The following PSPH variants were observed in gnomAD, a reference collection of about 807,000 sequenced individuals.
PSPH encodes phosphoserine phosphatase, also known as L-3-phosphoserine phosphatase.
Under a neutral mutation model 23.4 loss-of-function variants are expected in PSPH, and 16 were observed. The ratio of observed to expected loss-of-function variants is 0.68; its 90% CI spans 0.46 to 1.04. PSPH has a LOEUF of 1.04. Ranked by LOEUF, PSPH falls within the 50% of genes least tolerant of loss-of-function variation. The pLI is 0.00. For missense variants in PSPH, 223 were observed against 273.7 expected, an observed-to-expected ratio of 0.81 and a Z score of 1.31; for synonymous variants, 68 against 99.7, an observed-to-expected ratio of 0.68 and a Z score of 1.89.
intron 1 of PSPH, among the ~76,000 whole-genome samples, chr7:56,042,060 T>G (rs1218059582): frequency 1.3e-5 from 2 of 151,542 alleles, no homozygotes; most frequent in African/African-American, 2.4e-5. Context: ...TCGTCTCTAC[T>G]AAAACTACAA....
intron 1 of PSPH, among the ~76,000 whole-genome samples, chr7:56,040,396 T>C (rs1415783125): frequency 6.6e-6 from 1 of 152,036 alleles, no homozygotes; most frequent in African/African-American, 2.4e-5. Flanking sequence ...TACTTATTTA[T>C]TTTTATTTTT....
intron 3 of PSPH, among the ~76,000 whole-genome samples, chr7:56,027,801 C>T (rs777101278): frequency 3.3e-5 from 5 of 150,726 alleles, no homozygotes; most frequent in Non-Finnish European, 7.4e-5. Context: ...GTAATAATCC[C>T]AGCACTTTGG....
chr7:56,029,133 T>C (rs1347869330), intron 3 of PSPH, among the ~76,000 whole-genome samples: 1 of 152,014 alleles, frequency 6.6e-6, no homozygotes, highest in African/African-American at 2.4e-5. Context: ...CCTCTTTTCA[T>C]TGTCTCCACC....
chr7:56,011,826 AC>A lies in PSPH; in HGVS notation c.613del (p.Val205SerfsTer13). The A allele has an allele frequency of 1.2e-6, 2 of 1,613,398 alleles. No homozygotes were observed. Among genetic ancestry groups the A allele is most frequent in the Non-Finnish European group, 1.7e-6 (2 of 1,179,436 alleles). On this transcript the variant is annotated frameshift_variant, in exon 8 of 8. Coordinates refer to ENST00000275605, the MANE Select transcript of PSPH (RefSeq NM_004577.4). LOFTEE classifies it high-confidence loss of function. The stretch of plus-strand genomic sequence containing the variant: ...GATATACCATTTGGCGTTATCCTTG[AC>A]TTGTTGCCTGATCACATTTCCTCCA... ...GFGGNVIRQQVKDNAKWYITD... is the reference protein window; with the variant it reads ...GFGGNVIRQQXKDNAKWYITD...
intron 1 of PSPH, among the ~76,000 whole-genome samples, chr7:56,038,350 T>C (rs1213773046): frequency 6.7e-6 from 1 of 150,108 alleles, no homozygotes; most frequent in African/African-American, 2.4e-5. Context: ...TCCCAGCTAC[T>C]TGGGAGGCTG....
At chr7:56,039,491 T>C (rs966280500) in intron 1 of PSPH, among the ~76,000 whole-genome samples, 6 of 151,950 alleles carry the variant, frequency 3.9e-5, no homozygotes, top group South Asian at 4.1e-4. Flanking sequence ...TACCAATACA[T>C]TGCTGGCCGG....
chr7:56,029,862 C>T (rs150418719), intron 3 of PSPH, among the ~76,000 whole-genome samples: 8 of 151,368 alleles, frequency 5.3e-5, no homozygotes, highest in East Asian at 2.0e-4. Context: ...AAAGTATAGC[C>T]GGGCGTGGGG....
intron 1 of PSPH, among the ~76,000 whole-genome samples, chr7:56,046,029 T>C (rs543213303): frequency 6.6e-6 from 1 of 152,214 alleles, no homozygotes; most frequent in Admixed American, 6.6e-5. Context: ...GGTAACACAA[T>C]GTGGCCCAGA....
intron 3 of PSPH, among the ~76,000 whole-genome samples, chr7:56,027,105 T>C (rs1385607631): frequency 3.3e-5 from 5 of 150,598 alleles, no homozygotes; most frequent in Middle Eastern, 3.2e-3. Flanking sequence ...CTCAGGAGGC[T>C]GAGGCAAGAG....
intron 1 of PSPH, among the ~76,000 whole-genome samples, chr7:56,042,771 C>T (rs1444986160): frequency 2.6e-5 from 4 of 151,914 alleles, no homozygotes; most frequent in Admixed American, 6.6e-5. Context: ...ATCACTTGAG[C>T]CTAGGCGTTC....
intron 4 of PSPH, among the ~76,000 whole-genome samples, 188 bp downstream of exon 4, chr7:56,020,885 A>T (rs183507275): frequency 6.6e-6 from 1 of 152,250 alleles, no homozygotes. Context: ...AGCTAAGAAC[A>T]TGTCTTATCC....
intron 3 of PSPH, among the ~76,000 whole-genome samples, chr7:56,021,949 C>CAAA (rs753210160): frequency 2.0e-3 from 84 of 41,598 alleles, no homozygotes; most frequent in East Asian, 5.3e-3. Flanking sequence ...GACTCCGTCT[C>CAAA]AAAAAAAAAA....
rs188438444 is a variant in PSPH, at chr7:56,032,889, A to G, written c.-145-835T>C. 2.9e-4 allele frequency among the ~76,000 whole-genome samples: 44 copies of G among 151,666 alleles called. 1 individual carries two copies. In the East Asian group the frequency reaches 7.8e-3, roughly 27 times the overall value. ...TTGGGCTCAGGAGTTTGAGATTCCA[A>G]TGAGCTATGATTGCACCGCTGCACT... On this transcript the variant is annotated intron_variant, in intron 2 of 7. Transcript: ENST00000275605.
chr7:56,032,305 CAGGGTACAAAGACAAGGGAG>C (rs1791099792), intron 2 of PSPH, among the ~76,000 whole-genome samples: 1 of 152,062 alleles, frequency 6.6e-6, no homozygotes, highest in East Asian at 1.9e-4. Flanking sequence ...ACCTGATTAG[CAGGGTACAAAGACAAGGGAG>C]AGGGAAAGAG....
At chr7:56,038,724 G>A (rs1792068904) in intron 1 of PSPH, among the ~76,000 whole-genome samples, 1 of 151,312 alleles carries the variant, frequency 6.6e-6, no homozygotes, top group African/African-American at 2.4e-5. Flanking sequence ...CACACACCTC[G>A]AATCCCAGGT....
At chr7:56,013,156 T>TACAC (rs34329610) in intron 7 of PSPH, among the ~76,000 whole-genome samples, 3,709 of 142,094 alleles carry the variant, frequency 0.026, 107 homozygotes, top group African/African-American at 0.072. Context: ...TGTATGTGTA[T>TACAC]ACACACACAC....
intron 1 of PSPH, among the ~76,000 whole-genome samples, chr7:56,045,071 T>TGA (rs758515935): frequency 2.3e-5 from 1 of 43,508 alleles, no homozygotes. Flanking sequence ...AAACTCTGCC[T>TGA]CAAAAAAAAA....
At chr7:56,040,284 TG>T (rs1310172586) in intron 1 of PSPH, among the ~76,000 whole-genome samples, 1 of 152,192 alleles carries the variant, frequency 6.6e-6, no homozygotes, top group Admixed American at 6.6e-5. Context: ...GAGCCATTTT[TG>T]AACAAAGAAA....
At chr7:56,018,784 A>G (rs1221329780) in intron 5 of PSPH, among the ~76,000 whole-genome samples, 1 of 151,754 alleles carries the variant, frequency 6.6e-6, no homozygotes, top group Non-Finnish European at 1.5e-5. Flanking sequence ...TGGGCAACAT[A>G]GTGAGACCCT....
Sources: gnomAD v4.1 joint callset for allele counts (sites outside exome capture counted in the v4.1 genomes callset) on GRCh38, gnomAD v4.1.1 for gene constraint, MANE v1.5 for transcripts, NCBI Gene and HGNC (gene_info 2026-07-23, HGNC 2026-07-21) for gene names.